Variants in SCEL observed in about 807,000 individuals in gnomAD.
The protein encoded by SCEL is sciellin.
A neutral mutation model predicts 117.6 loss-of-function variants in SCEL; 113 were observed. The observed-to-expected ratio is 0.96, with a 90% CI of 0.83 to 1.12. The LOEUF is 1.12. SCEL is among the 50% of genes most tolerant of loss of function. The pLI, the probability that SCEL is intolerant of heterozygous loss-of-function variation, is 0.00. For missense variants in SCEL, 785 were observed against 810.8 expected, an observed-to-expected ratio of 0.97 and a Z score of 0.39; for synonymous variants, 270 against 256.2, an observed-to-expected ratio of 1.05 and a Z score of -0.51.
chr13:77,570,806 C>T (rs2085554315), intron 8 of SCEL, among the ~76,000 whole-genome samples: 1 of 152,138 alleles, frequency 6.6e-6, no homozygotes, highest in Non-Finnish European at 1.5e-5. Context: ...TTCACTTACG[C>T]TTTCAATATT....
intron 1 of SCEL, 148 bp from the exon 2 acceptor site, chr13:77,555,709 C>A: frequency 1.8e-6 from 1 of 551,900 alleles, no homozygotes; most frequent in Non-Finnish European, 3.3e-6. Flanking sequence ...CTCTTGGGTT[C>A]TTAGGGGCAC....
At chr13:77,601,513 T>G (rs573158314) in intron 15 of SCEL, among the ~76,000 whole-genome samples, 29 of 152,334 alleles carry the variant, frequency 1.9e-4, no homozygotes, top group African/African-American at 6.7e-4. Flanking sequence ...TATTCGCTAA[T>G]AATTTTTAAT....
rs191447257 is a variant in SCEL at position 77,640,441 on chromosome 13, G to A, written c.1839-235G>A. Among the ~76,000 whole-genome samples, 49 of 152,074 alleles carry A rather than the reference G, an allele frequency of 3.2e-4. No homozygotes were observed. In the East Asian group the frequency reaches 9.5e-3, roughly 29 times the overall value. On this transcript the variant is annotated intron_variant, in intron 30 of 32. Transcript: ENST00000349847. ...CCCAGATTTACTCTTGATTTCTGAT[G>A]AATTAATAATTTGGGACTTTCTCTC...
intron 13 of SCEL, 102 bp downstream of exon 13, chr13:77,597,691 A>G (rs2087329571): frequency 3.7e-6 from 2 of 545,196 alleles, no homozygotes; most frequent in Non-Finnish European, 6.5e-6. Context: ...CAGGGTAGTC[A>G]AAAATATCCT....
intron 12 of SCEL, among the ~76,000 whole-genome samples, chr13:77,595,167 T>C (rs1159296360): frequency 2.0e-5 from 3 of 152,188 alleles, no homozygotes; most frequent in Non-Finnish European, 4.4e-5. Flanking sequence ...TTAACTTTCC[T>C]GTCCCTGCTC....
chr13:77,579,725 A>G (rs1484989741), intron 9 of SCEL, among the ~76,000 whole-genome samples: 1 of 152,206 alleles, frequency 6.6e-6, no homozygotes, highest in Non-Finnish European at 1.5e-5. Flanking sequence ...AGAGGGAGGC[A>G]GTAGACGTTG....
intron 25 of SCEL, 21 bp from the exon 26 acceptor site, chr13:77,617,782 A>G: frequency 6.3e-7 from 1 of 1,592,374 alleles, no homozygotes; most frequent in Non-Finnish European, 8.6e-7. Context: ...ACCTGCTCTC[A>G]TTTTATTTTT....
chr13:77,547,091 C>T (rs1212148540), intron 1 of SCEL, among the ~76,000 whole-genome samples: 1 of 152,240 alleles, frequency 6.6e-6, no homozygotes, highest in East Asian at 1.9e-4. Context: ...ATCAGATATG[C>T]AATCATTGTC....
chr13:77,569,337 A>C lies in SCEL; in HGVS notation c.399-34A>C, dbSNP rs970640490. On this transcript the variant is annotated intron_variant, in intron 7 of 32. Coordinates refer to ENST00000349847, the MANE Select transcript of SCEL (RefSeq NM_144777.3). ...GTAGGCTGAAATGAAAAAGTTTGAG[A>C]GTGGGATTAATTGTTGTTCTTGTCA... 6.5e-6 allele frequency: 10 copies of C among 1,543,414 alleles called. No homozygotes were observed. The African/African-American group carries it at 1.4e-4, about 21-fold the overall frequency.
intron 1 of SCEL, among the ~76,000 whole-genome samples, chr13:77,543,335 G>A (rs949529347): frequency 4.0e-5 from 6 of 151,528 alleles, no homozygotes; most frequent in African/African-American, 7.3e-5. Context: ...CGCCCGCCTC[G>A]GCCTCCCAAA....
intron 28 of SCEL, among the ~76,000 whole-genome samples, chr13:77,632,209 A>C (rs1393309392): frequency 6.6e-6 from 1 of 152,258 alleles, no homozygotes; most frequent in African/African-American, 2.4e-5. Context: ...AGTCCATAAC[A>C]GTACTGTTGG....
intron 9 of SCEL, 41 bp from the exon 10 acceptor site, chr13:77,589,103 T>TC: frequency 6.9e-7 from 1 of 1,442,002 alleles, no homozygotes; most frequent in Non-Finnish European, 9.7e-7. Context: ...AAATTTACCA[T>TC]GTTTCCATGG....
chr13:77,539,522 C>T (rs1169334414), intron 1 of SCEL, among the ~76,000 whole-genome samples: 2 of 151,804 alleles, frequency 1.3e-5, no homozygotes, highest in Admixed American at 1.3e-4. Context: ...GAATATTTAT[C>T]TTGGAAACTT....
In SCEL at chr13:77,591,117, T is replaced by G. The variant is rs191088292; in HGVS notation, c.627-278T>G. ...GATAGAGATAAGTATGAAAATGCTT[T>G]ATTGATGGAGAACAAAAAACAACAT... On this transcript the variant is annotated intron_variant, in intron 10 of 32. Coordinates refer to ENST00000349847, the MANE Select transcript of SCEL (RefSeq NM_144777.3). Among the ~76,000 whole-genome samples, 348 of 152,280 alleles carry G rather than the reference T, an allele frequency of 2.3e-3. 1 individual carries two copies. Among genetic ancestry groups the G allele is most frequent in the Middle Eastern group, 0.01 (3 of 294 alleles).
chr13:77,632,376 T>A (rs1034027648), intron 28 of SCEL, among the ~76,000 whole-genome samples: 3 of 152,250 alleles, frequency 2.0e-5, no homozygotes, highest in African/African-American at 7.2e-5. Flanking sequence ...GTATATTATA[T>A]GATCTGAACA....
intron 28 of SCEL, among the ~76,000 whole-genome samples, chr13:77,629,111 G>A (rs1453832617): frequency 6.6e-6 from 1 of 152,148 alleles, no homozygotes; most frequent in Admixed American, 6.6e-5. Context: ...CATTGGACTT[G>A]TTCATGAAAT....
intron 1 of SCEL, among the ~76,000 whole-genome samples, chr13:77,540,696 A>C (rs1645007282): frequency 6.6e-6 from 1 of 152,236 alleles, no homozygotes; most frequent in African/African-American, 2.4e-5. Flanking sequence ...CTGTGGCTGA[A>C]GCCAGAGTGT....
At position 77,560,265 on chromosome 13, in the gene SCEL, TA is replaced by T. The variant is rs5804913; in HGVS notation, c.221+421del. ...GGGCAACATGGCCAGACCCTGCCTC[TA>T]AAAAAAAAAAAAAAAAAATTAATTA... On this transcript the variant is annotated intron_variant, in intron 4 of 32. Coordinates refer to ENST00000349847, the MANE Select transcript of SCEL (RefSeq NM_144777.3). Among the ~76,000 whole-genome samples, 617 of 133,116 alleles carry T rather than the reference TA, an allele frequency of 4.6e-3. 7 individuals are homozygous for T. The highest frequency in any genetic ancestry group is 0.014 in the African/African-American group (506 of 35,440). The allele number at this position is 133,116 out of a possible 152,430, so 87.3% of individuals were successfully genotyped here. A position where few individuals can be genotyped will look rare whatever the true frequency, so the allele number is the denominator to read the frequency against.
intron 1 of SCEL, among the ~76,000 whole-genome samples, chr13:77,550,881 A>T (rs540218965): frequency 5.0e-4 from 76 of 152,338 alleles, no homozygotes; most frequent in African/African-American, 1.7e-3. Context: ...GAATACACAG[A>T]GAAGGCTGTC....
Sources: gnomAD v4.1 joint callset for allele counts (sites outside exome capture counted in the v4.1 genomes callset) on GRCh38, gnomAD v4.1.1 for gene constraint, MANE v1.5 for transcripts, NCBI Gene and HGNC (gene_info 2026-07-23, HGNC 2026-07-21) for gene names.